Variants in SPHKAP observed in about 807,000 individuals in gnomAD.
SPHKAP encodes SPHK1 interactor, AKAP domain containing, also known as A-kinase anchor protein SPHKAP.
Under a neutral mutation model 137.5 loss-of-function variants are expected in SPHKAP, and 67 were observed. That is an observed-to-expected ratio of 0.49 (90% confidence interval 0.40 to 0.60). The LOEUF (loss-of-function observed/expected upper bound fraction) is 0.60, where lower values mean the gene tolerates loss of function less well. Ranked by LOEUF, SPHKAP falls within the 20% of genes least tolerant of loss-of-function variation. SPHKAP has a pLI of 0.00. For synonymous variants in SPHKAP, 813 were observed against 785.3 expected, an observed-to-expected ratio of 1.04 and a Z score of -0.59; for missense variants, 2,097 against 2,069.3, an observed-to-expected ratio of 1.01 and a Z score of -0.26.
intron 3 of SPHKAP, among the ~76,000 whole-genome samples, chr2:228,028,904 AGAAAG>A (rs1218333721): frequency 6.6e-6 from 1 of 152,142 alleles, no homozygotes; most frequent in Non-Finnish European, 1.5e-5. Flanking sequence ...GTTGGAGAAA[AGAAAG>A]TTAAAGTTTT....
At chr2:228,031,306 G>A (rs569121941) in intron 3 of SPHKAP, among the ~76,000 whole-genome samples, 1 of 152,298 alleles carries the variant, frequency 6.6e-6, no homozygotes, top group Admixed American at 6.5e-5. Context: ...CAAGGCAGCA[G>A]CGAGGCTGGG....
intron 3 of SPHKAP, among the ~76,000 whole-genome samples, chr2:228,101,993 T>C (rs10933234): frequency 0.31 from 47,635 of 152,124 alleles, 7,708 homozygotes; most frequent in Admixed American, 0.4. Flanking sequence ...CTGTACTGTG[T>C]GTACATTAAC....
intron 6 of SPHKAP, 90 bp from the exon 7 acceptor site, chr2:228,020,246 A>G (rs1694787586): frequency 1.3e-6 from 2 of 1,491,826 alleles, no homozygotes; most frequent in East Asian, 4.5e-5. Context: ...AAAATAAAAC[A>G]TCAATAAAGA....
At chr2:228,063,158 A>ATCTGTCTGTCTG (rs1204770006) in intron 3 of SPHKAP, among the ~76,000 whole-genome samples, 33 of 140,412 alleles carry the variant, frequency 2.4e-4, no homozygotes, top group African/African-American at 8.3e-4. Context: ...CTATCTATCT[A>ATCTGTCTGTCTG]TCTATCTATC....
chr2:228,113,603 ATCTCTCTCTCTCTCTCTCTCTCTC>A (rs139499722), intron 2 of SPHKAP, among the ~76,000 whole-genome samples: 2,662 of 97,990 alleles, frequency 0.027, 99 homozygotes, highest in African/African-American at 0.089. Context: ...GCATTTAGCC[ATCTCTCTCTCTCTCTCTCTCTCTC>A]TCTCTCTCTC....
intron 3 of SPHKAP, among the ~76,000 whole-genome samples, chr2:228,038,361 A>T (rs549800832): frequency 6.6e-6 from 1 of 152,242 alleles, no homozygotes; most frequent in South Asian, 2.1e-4. Context: ...GCTGAAATAA[A>T]GTTTTTATTT....
chr2:228,171,705 C>A (rs1410411241), intron 1 of SPHKAP, among the ~76,000 whole-genome samples: 1 of 152,010 alleles, frequency 6.6e-6, no homozygotes, highest in Non-Finnish European at 1.5e-5. Flanking sequence ...GATTTGTGGC[C>A]CCAGCTGTAC....
Position 227,986,403 on chromosome 2 carries a change from C to A in SPHKAP, c.4960-4543G>T, listed in dbSNP as rs115797562. 8.1e-3 allele frequency among the ~76,000 whole-genome samples: 1,229 copies of A among 152,214 alleles called. 16 individuals are homozygous for A. The highest frequency in any genetic ancestry group is 0.027 in the African/African-American group (1,127 of 41,544). ...AAAGGCATATGAATGATATTATGGA[C>A]TTTGGAGACTTGGGGCAAAGGGTTG... On this transcript the variant is annotated intron_variant, in intron 11 of 11. Coordinates refer to ENST00000392056, the MANE Select transcript of SPHKAP (RefSeq NM_001142644.2).
intron 7 of SPHKAP, among the ~76,000 whole-genome samples, chr2:227,999,692 A>T (rs1054968902): frequency 6.6e-6 from 1 of 152,242 alleles, no homozygotes; most frequent in East Asian, 1.9e-4. Flanking sequence ...CTCACATTCC[A>T]TGTCACATAA....
At chr2:228,121,766 T>C (rs866889284) in intron 2 of SPHKAP, among the ~76,000 whole-genome samples, 11 of 152,144 alleles carry the variant, frequency 7.2e-5, no homozygotes, top group Admixed American at 5.9e-4. Context: ...AGGAGAGGGC[T>C]CATTGTAAGG....
At chr2:228,074,220 T>C (rs1697100046) in intron 3 of SPHKAP, among the ~76,000 whole-genome samples, 1 of 152,232 alleles carries the variant, frequency 6.6e-6, no homozygotes, top group African/African-American at 2.4e-5. Context: ...AAAAGTGTGT[T>C]CAAGTACACA....
chr2:228,051,137 T>C (rs374584391), intron 3 of SPHKAP, among the ~76,000 whole-genome samples: 41 of 152,240 alleles, frequency 2.7e-4, no homozygotes, highest in African/African-American at 9.4e-4. Flanking sequence ...CTTCTCAGAA[T>C]TGTTATATCA....
intron 2 of SPHKAP, among the ~76,000 whole-genome samples, chr2:228,114,352 T>G (rs1451587352): frequency 6.6e-6 from 1 of 152,116 alleles, no homozygotes; most frequent in South Asian, 2.1e-4. Context: ...AGAAATAGAC[T>G]TTGGACACAG....
chr2:228,074,426 G>T (rs1008611295), intron 3 of SPHKAP, among the ~76,000 whole-genome samples: 1 of 152,202 alleles, frequency 6.6e-6, no homozygotes, highest in African/African-American at 2.4e-5. Flanking sequence ...GGAAGGTGAA[G>T]GGGAAGCAAG....
chr2:228,001,410 TATATATAA>T (rs1329839069), intron 7 of SPHKAP, among the ~76,000 whole-genome samples: 7 of 140,460 alleles, frequency 5.0e-5, no homozygotes, highest in Non-Finnish European at 7.7e-5. Context: ...TATACATAAA[TATATATAA>T]ATATATACAT....
intron 2 of SPHKAP, among the ~76,000 whole-genome samples, chr2:228,128,669 C>T (rs913070509): frequency 1.3e-5 from 2 of 152,098 alleles, no homozygotes; most frequent in African/African-American, 4.8e-5. Flanking sequence ...TAAACATTAA[C>T]ACTTGAAAAT....
At chr2:228,145,422 A>G (rs1699745625) in intron 1 of SPHKAP, among the ~76,000 whole-genome samples, 2 of 152,178 alleles carry the variant, frequency 1.3e-5, no homozygotes, top group African/African-American at 4.8e-5. Context: ...ATTTTTAAAG[A>G]AGAACCAAAC....
intron 3 of SPHKAP, among the ~76,000 whole-genome samples, chr2:228,051,874 G>C (rs1037175643): frequency 1.4e-4 from 22 of 152,054 alleles, no homozygotes; most frequent in African/African-American, 5.1e-4. Context: ...AGCTCCCTTA[G>C]GCCTCTTTTG....
At chr2:228,154,202 G>A (rs969035166) in intron 1 of SPHKAP, among the ~76,000 whole-genome samples, 2 of 151,792 alleles carry the variant, frequency 1.3e-5, no homozygotes, top group Non-Finnish European at 2.9e-5. Context: ...AAATCTTCAT[G>A]TAAGTCCTAA....
Sources: gnomAD v4.1 joint callset for allele counts (sites outside exome capture counted in the v4.1 genomes callset) on GRCh38, gnomAD v4.1.1 for gene constraint, MANE v1.5 for transcripts, NCBI Gene and HGNC (gene_info 2026-07-23, HGNC 2026-07-21) for gene names.